RAF1: variants seen among roughly 807,000 people sequenced by gnomAD.
RAF1 encodes the protein RAF proto-oncogene serine/threonine-protein kinase.
In RAF1, 27 loss-of-function variants were observed where a neutral mutation model predicts 81.1. The ratio of observed to expected loss-of-function variants is 0.33; its 90% CI spans 0.25 to 0.46. The LOEUF is 0.46. Ranked by LOEUF, RAF1 falls within the 20% of genes least tolerant of loss-of-function variation. The pLI is 1.00. For missense variants in RAF1, 598 were observed against 826.0 expected, an observed-to-expected ratio of 0.72 and a Z score of 3.38; for synonymous variants, 298 against 294.0, an observed-to-expected ratio of 1.01 and a Z score of -0.14.
chr3:12,587,837 C>CAT, intron 13 of RAF1, 200 bp from the exon 13 acceptor site: 3 of 193,314 alleles, frequency 1.6e-5, no homozygotes, highest in Admixed American at 7.2e-5. Context: ...ATGCTTACAC[C>CAT]TTTTTTTTTT....
At chr3:12,633,810 C>A (rs549814370) in intron 1 of RAF1, among the ~76,000 whole-genome samples, 1 of 151,520 alleles carries the variant, frequency 6.6e-6, no homozygotes, top group African/African-American at 2.4e-5. Context: ...TGGTGCGCAC[C>A]TGTAATCTCA....
chr3:12,600,200 T>G lies in RAF1; in HGVS notation c.1002A>C (p.Ala334=). Residue 334 remains alanine (A), a synonymous_variant, in exon 10 of 18, where the codon GCA becomes GCC. Coordinates refer to ENST00000442415, the MANE Select transcript of RAF1 (RefSeq NM_001354689.3). ...CAGATACTGGTGCCCGCTCTCTTTG[T>G]GCTGGCACGGGGGTTTTCGGCTGTG... The G allele has an allele frequency of 6.2e-7, 1 of 1,614,224 alleles. No individual in the cohort carries two copies. The highest frequency in any genetic ancestry group is 1.1e-5 in the South Asian group (1 of 91,088).
At chr3:12,620,539 C>T (rs1448672636) in intron 1 of RAF1, among the ~76,000 whole-genome samples, 3 of 152,074 alleles carry the variant, frequency 2.0e-5, no homozygotes, top group Non-Finnish European at 4.4e-5. Flanking sequence ...GACATGATCA[C>T]AGCTCACTGC....
chr3:12,661,473 G>A (rs943361682), intron 1 of RAF1, among the ~76,000 whole-genome samples: 11 of 151,996 alleles, frequency 7.2e-5, no homozygotes, highest in South Asian at 2.1e-4. Context: ...GTGGGAGGCC[G>A]AGGTGGGCAG....
intron 11 of RAF1, among the ~76,000 whole-genome samples, chr3:12,598,938 A>G (rs2058776055): frequency 6.6e-6 from 1 of 152,044 alleles, no homozygotes; most frequent in South Asian, 2.1e-4. Context: ...TGTAATCTGA[A>G]TTTAGAAGAG....
chr3:12,657,755 G>T (rs1191881114), intron 1 of RAF1, among the ~76,000 whole-genome samples: 2 of 148,612 alleles, frequency 1.3e-5, no homozygotes, highest in African/African-American at 5.0e-5. Flanking sequence ...TGGGCAACAA[G>T]AGCAAAACAT....
intron 3 of RAF1, among the ~76,000 whole-genome samples, chr3:12,611,277 GC>G (rs2059198442): frequency 6.6e-6 from 1 of 151,774 alleles, no homozygotes; most frequent in Non-Finnish European, 1.5e-5. Flanking sequence ...GAGTCCAGTA[GC>G]ACAATCATGA....
chr3:12,630,115 C>T (rs2059818573), intron 1 of RAF1, among the ~76,000 whole-genome samples: 1 of 152,106 alleles, frequency 6.6e-6, no homozygotes, highest in Admixed American at 6.6e-5. Context: ...AAAACAAAAA[C>T]TAAATTTGGG....
At chr3:12,636,511 C>T (rs1171365372) in intron 1 of RAF1, among the ~76,000 whole-genome samples, 1 of 146,454 alleles carries the variant, frequency 6.8e-6, no homozygotes, top group African/African-American at 2.5e-5. Flanking sequence ...AAAAAAGGGA[C>T]ATTTGCTACA....
chr3:12,588,661 CTATAT>C (rs1292908746), intron 13 of RAF1: 24 of 152,304 alleles, frequency 1.6e-4, no homozygotes, highest in African/African-American at 4.6e-4. Flanking sequence ...TGTTACCTGA[CTATAT>C]TATATCTTAC....
intron 8 of RAF1, among the ~76,000 whole-genome samples, chr3:12,601,857 TTGAC>T (rs2058872944): frequency 1.3e-5 from 2 of 152,122 alleles, no homozygotes; most frequent in Non-Finnish European, 2.9e-5. Flanking sequence ...CGACCCACGA[TTGAC>T]TGAGCATGTT....
rs537931135 is a variant in RAF1 at position 12,611,685 on chromosome 3, G to GC, written c.320+264dup. Reference sequence around the variant, plus strand: ...ACTGCACTCCAGCCTGGGCGACAGAGCAAGACTCCACCTCAAAAAGAAAAA... The same window carrying GC: ...ACTGCACTCCAGCCTGGGCGACAGAGCCAAGACTCCACCTCAAAAAGAAAAA... On this transcript the variant is annotated intron_variant, in intron 3 of 17. Transcript: ENST00000442415. Among the ~76,000 whole-genome samples, 14 of 152,246 alleles carry GC rather than the reference G, an allele frequency of 9.2e-5. No individual in the cohort carries two copies. The South Asian group carries it at 2.3e-3, about 25-fold the overall frequency.
At chr3:12,642,654 CAGGGAG>C (rs2060225562) in intron 1 of RAF1, among the ~76,000 whole-genome samples, 1 of 148,976 alleles carries the variant, frequency 6.7e-6, no homozygotes, top group Admixed American at 6.8e-5. Flanking sequence ...CCAGACAACA[CAGGGAG>C]ACACCATCTC....
chr3:12,623,753 CACT>C lies in RAF1; in HGVS notation c.-26-5009_-26-5007del, dbSNP rs889100245. Among the ~76,000 whole-genome samples, 14 of 145,280 alleles carry C rather than the reference CACT, an allele frequency of 9.6e-5. No homozygotes were observed. In the East Asian group the frequency reaches 1.4e-3, roughly 15 times the overall value. ...AGCTTGCAGTGAGCCGAGATCATGC[CACT>C]GCACTCCAACCAGCCTGGGCGACAG... On this transcript the variant is annotated intron_variant, in intron 1 of 17. Transcript: ENST00000442415.
intron 1 of RAF1, among the ~76,000 whole-genome samples, chr3:12,641,895 G>A (rs2060198577): frequency 6.6e-6 from 1 of 152,054 alleles, no homozygotes; most frequent in Non-Finnish European, 1.5e-5. Context: ...GGTGGCTCAC[G>A]CCTGTAATCC....
chr3:12,602,293 A>G (rs937946818), intron 8 of RAF1, among the ~76,000 whole-genome samples: 2 of 152,368 alleles, frequency 1.3e-5, no homozygotes, highest in South Asian at 2.1e-4. Flanking sequence ...ATGCTGACTT[A>G]TATGTGATTA....
chr3:12,608,435 C>T (rs903941290), intron 5 of RAF1: 2 of 327,542 alleles, frequency 6.1e-6, no homozygotes, highest in Non-Finnish European at 5.9e-6. Context: ...CTACTAGCAA[C>T]CCCAGTAGAT....
intron 14 of RAF1, chr3:12,587,059 A>AGC (rs1474911541): frequency 6.5e-6 from 1 of 154,322 alleles, no homozygotes; most frequent in Non-Finnish European, 1.4e-5. Flanking sequence ...TCAAACTCCT[A>AGC]GCCTCAAGTG....
intron 2 of RAF1, among the ~76,000 whole-genome samples, chr3:12,617,226 C>G (rs1267112368): frequency 6.6e-6 from 1 of 152,224 alleles, no homozygotes; most frequent in East Asian, 1.9e-4. Flanking sequence ...GATTCTCCTG[C>G]CTCAGCCTCC....
Sources: allele counts gnomAD v4.1 joint callset (sites outside exome capture counted in the v4.1 genomes callset), GRCh38; gene constraint gnomAD v4.1.1; transcripts MANE v1.5; gene names NCBI Gene and HGNC (gene_info 2026-07-23, HGNC 2026-07-21).